Variants in EAF1 observed in about 807,000 individuals in gnomAD.
EAF1 encodes ELL associated factor 1, also known as ELL-associated factor 1.
Under a neutral mutation model 26.6 loss-of-function variants are expected in EAF1, and 19 were observed. The ratio of observed to expected loss-of-function variants is 0.71; its 90% CI spans 0.50 to 1.05. The LOEUF (loss-of-function observed/expected upper bound fraction) is 1.05, where lower values mean the gene tolerates loss of function less well. EAF1 is among the 50% of genes least tolerant of loss of function. The probability of loss-of-function intolerance (pLI) is 0.00; values close to 1 mark genes in which losing one functional copy is unlikely to be tolerated. For synonymous variants in EAF1, 102 were observed against 120.6 expected, an observed-to-expected ratio of 0.85 and a Z score of 1.01; for missense variants, 260 against 335.5, an observed-to-expected ratio of 0.78 and a Z score of 1.76.
intron 1 of EAF1, 103 bp downstream of exon 1, chr3:15,427,985 C>A: frequency 1.1e-6 from 1 of 928,648 alleles, no homozygotes; most frequent in Non-Finnish European, 1.6e-6. Flanking sequence ...CCAGGGAACC[C>A]CCTGCCAGCG....
intron 3 of EAF1, among the ~76,000 whole-genome samples, chr3:15,432,605 C>T (rs2061808385): frequency 1.3e-5 from 2 of 152,064 alleles, no homozygotes; most frequent in Admixed American, 6.5e-5. Flanking sequence ...AATTTTTTTA[C>T]AAGATACATT....
rs749760346 is a variant in EAF1, at chr3:15,434,884, ACT to A, written c.526+347_526+348del. 3.9e-5 allele frequency among the ~76,000 whole-genome samples: 6 copies of A among 152,176 alleles called. No individual in the cohort carries two copies. The East Asian group carries it at 9.6e-4, about 24-fold the overall frequency. On this transcript the variant is annotated intron_variant, in intron 4 of 5. Transcript: ENST00000396842. ...AGGATTCTAGGTGTTGGAGGTGAAA[ACT>A]AAGCGTAGGTGGCAACCTTTCTGAG...
In EAF1 at chr3:15,427,650, C is replaced by T. The variant is rs976419413; in HGVS notation, c.-130C>T. On this transcript the variant is annotated 5_prime_UTR_variant, in exon 1 of 6. Coordinates refer to ENST00000396842, the MANE Select transcript of EAF1 (RefSeq NM_033083.7). ...ACTTGCTTCTGGACCCGGGTGGGTGCCGGCTCGGCTCTCCTTGTCTTCCAG... is the reference window on the plus strand; with the variant it reads ...ACTTGCTTCTGGACCCGGGTGGGTGTCGGCTCGGCTCTCCTTGTCTTCCAG... The T allele has an allele frequency of 2.1e-6, 2 of 953,566 alleles. No homozygotes were observed. The highest frequency in any genetic ancestry group is 1.5e-5 in the South Asian group (1 of 66,356). 59.1% of individuals were successfully genotyped at this position (953,566 alleles called of 1,614,324 possible).
At chr3:15,438,427 C>G (rs975375949) in intron 5 of EAF1, among the ~76,000 whole-genome samples, 2 of 151,822 alleles carry the variant, frequency 1.3e-5, no homozygotes, top group African/African-American at 4.8e-5. Context: ...GGAAGCCTAC[C>G]GGATATTTTC....
In EAF1 at chr3:15,439,248, A is replaced by G. The variant is rs9835495; in HGVS notation, c.*93A>G. 3.6e-4 allele frequency: 457 copies of G among 1,283,876 alleles called. 1 individual carries two copies. In the African/African-American group the frequency reaches 5.8e-3, roughly 16 times the overall value. The allele number at this position is 1,283,876 out of a possible 1,614,324, so 79.5% of individuals were successfully genotyped here. On this transcript the variant is annotated 3_prime_UTR_variant, in exon 6 of 6. Coordinates refer to ENST00000396842, the MANE Select transcript of EAF1 (RefSeq NM_033083.7). ...GAGTCCATTGCAAGAGGAAAATGTT[A>G]TGGATCAGTGACTGTAGTAGGAGTT...
chr3:15,434,709 CT>C (rs1352550292), intron 4 of EAF1, among the ~76,000 whole-genome samples, 171 bp downstream of exon 4: 1 of 152,198 alleles, frequency 6.6e-6, no homozygotes, highest in African/African-American at 2.4e-5. Flanking sequence ...GCTTCTGCCA[CT>C]TACCTCATTT....
intron 4 of EAF1, among the ~76,000 whole-genome samples, chr3:15,434,760 C>T (rs997400100): frequency 5.3e-5 from 8 of 152,178 alleles, no homozygotes; most frequent in Non-Finnish European, 1.0e-4. Context: ...GAGTTTGTGG[C>T]TATCTTTGTA....
intron 2 of EAF1, among the ~76,000 whole-genome samples, chr3:15,431,274 T>C (rs1056716758): frequency 2.6e-5 from 4 of 152,182 alleles, no homozygotes; most frequent in African/African-American, 9.7e-5. Context: ...GGAGTTTAAA[T>C]TAATACAAGA....
rs1559507730 is a variant in EAF1, at chr3:15,442,506, T to A, written c.*3351T>A. On this transcript the variant is annotated 3_prime_UTR_variant, in exon 6 of 6. Transcript: ENST00000396842. ...AAAGTTTTTTTGCTTAATTATGAAG[T>A]AGACATGCATGTTTACATTTATGTA... 6.6e-6 allele frequency: 1 copy of A among 152,644 alleles called. No homozygotes were observed. The highest frequency in any genetic ancestry group is 1.9e-4 in the East Asian group (1 of 5,204). 9.5% of individuals were successfully genotyped at this position (152,644 alleles called of 1,614,324 possible).
intron 5 of EAF1, chr3:15,438,514 T>C (rs1454787655): frequency 6.6e-6 from 1 of 151,788 alleles, no homozygotes; most frequent in Non-Finnish European, 1.5e-5. Context: ...TATTTTCTTT[T>C]TTTTTTTTTT....
In EAF1 at chr3:15,427,844, T is replaced by A; in HGVS notation, c.65T>A (p.Phe22Tyr). Reference protein sequence around the residue: ...EEHCLRLGESFEKRPRASFHT... With the variant: ...EEHCLRLGESYEKRPRASFHT... ...CATTGCCTGAGGCTCGGGGAGAGCT[T>A]CGAGAAGCGGCCGCGGGCCTCCTTC... Residue 22 changes from phenylalanine to tyrosine, a missense_variant, in exon 1 of 6, where the codon TTC becomes TAC. Phe to Tyr is a conservative substitution (Grantham distance 22). Transcript: ENST00000396842. 1 of 1,550,928 alleles carries A rather than the reference T, an allele frequency of 6.4e-7. No individual in the cohort carries two copies. Among genetic ancestry groups the A allele is most frequent in the South Asian group, 1.2e-5 (1 of 84,042 alleles).
intron 1 of EAF1, among the ~76,000 whole-genome samples, chr3:15,429,688 TG>T (rs1258040412): frequency 3.3e-5 from 5 of 152,064 alleles, no homozygotes; most frequent in Non-Finnish European, 7.4e-5. Flanking sequence ...GTCCCTGAGT[TG>T]GTAATAATTG....
At chr3:15,433,206 G>A (rs1210495913) in intron 3 of EAF1, 2 of 141,332 alleles carry the variant, frequency 1.4e-5, no homozygotes, top group South Asian at 4.5e-4. Context: ...ATGTGCTGCC[G>A]AAGTGAGTAC....
At chr3:15,437,359 C>T (rs1266585995) in intron 5 of EAF1, among the ~76,000 whole-genome samples, 2 of 148,646 alleles carry the variant, frequency 1.3e-5, no homozygotes, top group Non-Finnish European at 3.0e-5. Flanking sequence ...CGCCACATTG[C>T]CCAGGCTGGT....
In EAF1 at chr3:15,432,168, A is replaced by C; in HGVS notation, c.280A>C (p.Thr94Pro). 1 of 1,614,162 alleles carries C rather than the reference A, an allele frequency of 6.2e-7. No individual in the cohort carries two copies. Among genetic ancestry groups the C allele is most frequent in the Non-Finnish European group, 8.5e-7 (1 of 1,180,004 alleles). ...CTGTGTGCTTATTATTAATCATGAC[A>C]CTGGTGAATATGTGCTGGAAAAACT... The part of the protein sequence containing the change: ...KDCVLIINHD[T>P]GEYVLEKLSS... The change falls in exon 3 of 6, where the codon ACT becomes CCT. Residue 94 changes from threonine to proline, a missense_variant. Coordinates refer to ENST00000396842, the MANE Select transcript of EAF1 (RefSeq NM_033083.7).
chr3:15,432,062 C>A, intron 2 of EAF1, 25 bp from the exon 3 acceptor site: 1 of 1,605,744 alleles, frequency 6.2e-7, no homozygotes, highest in South Asian at 1.1e-5. Context: ...TTAGTTTGAT[C>A]ATCTTATACT....
intron 1 of EAF1, among the ~76,000 whole-genome samples, chr3:15,428,141 C>G (rs1179516810): frequency 2.0e-5 from 3 of 151,980 alleles, no homozygotes; most frequent in Admixed American, 6.6e-5. Flanking sequence ...TCTTTGGCCT[C>G]TTTCCATTTC....
chr3:15,434,527 A>C lies in EAF1; in HGVS notation c.515A>C (p.Asp172Ala). Residue 172 changes from aspartate to alanine, a missense_variant, in exon 4 of 6, where the codon GAC becomes GCC. Transcript: ENST00000396842. Reference sequence around the variant, plus strand: ...CCCTCACCTGAACCTCAGTTGGATGACATCAAAAGAGGTAGAGAACATTTT... The same window carrying C: ...CCCTCACCTGAACCTCAGTTGGATGCCATCAAAAGAGGTAGAGAACATTTT... ...DNPSPEPQLD[D>A]IKRELRAEVD... The C allele has an allele frequency of 6.2e-7, 1 of 1,614,184 alleles. No individual in the cohort carries two copies. Among genetic ancestry groups the C allele is most frequent in the Non-Finnish European group, 8.5e-7 (1 of 1,180,004 alleles).
intron 2 of EAF1, 43 bp downstream of exon 2, chr3:15,430,050 A>T: frequency 7.7e-7 from 1 of 1,304,894 alleles, no homozygotes; most frequent in Non-Finnish European, 1.1e-6. Context: ...GATCACAATG[A>T]ATCTTTGTCT....
Sources: gnomAD v4.1 joint callset for allele counts (sites outside exome capture counted in the v4.1 genomes callset) on GRCh38, gnomAD v4.1.1 for gene constraint, MANE v1.5 for transcripts, NCBI Gene and HGNC (gene_info 2026-07-23, HGNC 2026-07-21) for gene names.